The following HAPLN1 variants were observed in gnomAD, a reference collection of about 807,000 sequenced individuals.
HAPLN1 encodes Cartilage link protein.
HAPLN1 carries 13 observed loss-of-function variants against 36.5 expected under a neutral mutation model. The ratio of observed to expected loss-of-function variants is 0.36; its 90% confidence interval spans 0.23 to 0.57. HAPLN1 has a LOEUF of 0.57. Ranked by LOEUF, HAPLN1 falls within the 20% of genes least tolerant of loss-of-function variation. The pLI, the probability that HAPLN1 is intolerant of heterozygous loss-of-function variation, is 0.83. For synonymous variants in HAPLN1, 202 were observed against 169.8 expected (o/e 1.19, Z -1.48); for missense variants, 407 against 439.7 (o/e 0.93, Z 0.66).
chr5:83,682,692 G>A (rs933800302), intron 1 of HAPLN1, among the ~76,000 whole-genome samples: 24 of 152,118 alleles, frequency 1.6e-4, no homozygotes, highest in African/African-American at 5.8e-4. Flanking sequence ...CAAAAGGGCT[G>A]TGTCTACACA....
In HAPLN1 at chr5:83,707,671, C is replaced by G. The variant is rs116611578; in HGVS notation, c.-27+13118G>C. Among the ~76,000 whole-genome samples the G allele has an allele frequency of 0.028, 4,248 of 152,218 alleles. 281 individuals carry two copies. The East Asian group carries it at 0.3, about 11-fold the overall frequency. On this transcript the variant is annotated intron_variant, in intron 1 of 4. Transcript: ENST00000274341. The stretch of plus-strand genomic sequence containing the variant: ...GGCAATACCATCCTGGAAACAGGAA[C>G]AGGCAAAGATATCATGACAAAGACA...
rs182889743 is a variant in HAPLN1, at chr5:83,689,918, T to C, written c.-26-16369A>G. Among the ~76,000 whole-genome samples, 465 of 152,238 alleles carry C rather than the reference T, an allele frequency of 3.1e-3. 1 individual carries two copies. The highest frequency in any genetic ancestry group is 0.011 in the African/African-American group (448 of 41,562). On this transcript the variant is annotated intron_variant, in intron 1 of 4. Transcript: ENST00000274341. ...CTTCTGAAGGGTCAGAGATAGGAAA[T>C]TTTATATGAACAAACAAAATATCTC...
chr5:83,653,986 C>T (rs567665114), intron 2 of HAPLN1, among the ~76,000 whole-genome samples: 6 of 152,212 alleles, frequency 3.9e-5, no homozygotes, highest in Non-Finnish European at 8.8e-5. Flanking sequence ...CTCTGCAGAC[C>T]TCCTGCCTTG....
intron 2 of HAPLN1, among the ~76,000 whole-genome samples, chr5:83,666,761 T>G (rs999730511): frequency 2.0e-5 from 3 of 152,172 alleles, no homozygotes; most frequent in Non-Finnish European, 4.4e-5. Flanking sequence ...TTAACACTTA[T>G]TTTATTTTTT....
intron 1 of HAPLN1, among the ~76,000 whole-genome samples, chr5:83,712,191 G>T (rs1343225747): frequency 6.6e-6 from 1 of 152,058 alleles, no homozygotes; most frequent in East Asian, 1.9e-4. Context: ...GTCACAAGGT[G>T]GCAGCACAAG....
At chr5:83,702,066 T>C (rs541506628) in intron 1 of HAPLN1, among the ~76,000 whole-genome samples, 1 of 152,114 alleles carries the variant, frequency 6.6e-6, no homozygotes, top group Non-Finnish European at 1.5e-5. Flanking sequence ...GGAGGAAGTG[T>C]TACATGAATG....
intron 1 of HAPLN1, among the ~76,000 whole-genome samples, chr5:83,720,183 A>G (rs1751989960): frequency 6.6e-6 from 1 of 152,344 alleles, no homozygotes; most frequent in South Asian, 2.1e-4. Context: ...TCTTCAGTGC[A>G]TTCAAATTAT....
intron 1 of HAPLN1, among the ~76,000 whole-genome samples, chr5:83,702,768 C>A (rs533674253): frequency 4.0e-5 from 6 of 151,400 alleles, no homozygotes; most frequent in Non-Finnish European, 8.8e-5. Flanking sequence ...GAGACAGTCT[C>A]GCCCTGTTGC....
intron 1 of HAPLN1, among the ~76,000 whole-genome samples, 190 bp downstream of exon 1, chr5:83,720,599 A>C (rs1259258979): frequency 6.6e-6 from 1 of 152,240 alleles, no homozygotes; most frequent in African/African-American, 2.4e-5. Flanking sequence ...TTGTAGTGAA[A>C]TATTTTATCC....
rs192874426 is a variant in HAPLN1, at chr5:83,638,356, G to A, written c.*3140C>T. The A allele has an allele frequency of 2.0e-5, 3 of 151,982 alleles. No individual in the cohort carries two copies. Among genetic ancestry groups the A allele is most frequent in the African/African-American group, 7.2e-5 (3 of 41,506 alleles). The allele number at this position is 151,982 out of a possible 1,614,324, so 9.4% of individuals were successfully genotyped here. A position where few individuals can be genotyped will look rare whatever the true frequency, so the allele number is the denominator to read the frequency against. ...ATATTGGTTTTCTTTTAATCAGGTG[G>A]CTTAATAACTTTTGTATTTTTCATC... is the stretch of plus-strand genomic sequence containing the variant. On this transcript the variant is annotated 3_prime_UTR_variant, in exon 5 of 5. Coordinates refer to ENST00000274341, the MANE Select transcript of HAPLN1 (RefSeq NM_001884.4).
chr5:83,669,106 C>T (rs906108697), intron 2 of HAPLN1, among the ~76,000 whole-genome samples: 9 of 152,212 alleles, frequency 5.9e-5, no homozygotes, highest in East Asian at 1.9e-4. Context: ...TTTAAAGTAG[C>T]GGATCTGTGC....
chr5:83,685,593 A>C (rs1293829294), intron 1 of HAPLN1, among the ~76,000 whole-genome samples: 1 of 152,212 alleles, frequency 6.6e-6, no homozygotes, highest in Admixed American at 6.6e-5. Context: ...CAAAAGTGTA[A>C]ACTTCCTGAG....
chr5:83,704,632 TA>T (rs1247453246), intron 1 of HAPLN1, among the ~76,000 whole-genome samples: 1 of 152,078 alleles, frequency 6.6e-6, no homozygotes, highest in African/African-American at 2.4e-5. Flanking sequence ...GACTTTAAAC[TA>T]ACAAAGATCA....
At chr5:83,709,852 T>C (rs1242272457) in intron 1 of HAPLN1, among the ~76,000 whole-genome samples, 1 of 151,974 alleles carries the variant, frequency 6.6e-6, no homozygotes, top group African/African-American at 2.4e-5. Context: ...GACTGATGGG[T>C]GAGGTTTGCA....
intron 1 of HAPLN1, among the ~76,000 whole-genome samples, chr5:83,694,263 G>A (rs928418296): frequency 2.0e-5 from 3 of 151,838 alleles, no homozygotes; most frequent in Non-Finnish European, 4.4e-5. Context: ...TTAAAACATA[G>A]CATATCAAAA....
chr5:83,720,507 C>A (rs1751995069), intron 1 of HAPLN1, among the ~76,000 whole-genome samples: 1 of 152,134 alleles, frequency 6.6e-6, no homozygotes, highest in South Asian at 2.1e-4. Context: ...GAAACCATGA[C>A]CCTACCAGAT....
At chr5:83,701,237 T>C (rs1425979050) in intron 1 of HAPLN1, among the ~76,000 whole-genome samples, 1 of 152,182 alleles carries the variant, frequency 6.6e-6, no homozygotes, top group Non-Finnish European at 1.5e-5. Flanking sequence ...CATTTAGAAA[T>C]AGACGTCCCA....
At chr5:83,646,361 C>T (rs998836733) in intron 3 of HAPLN1, among the ~76,000 whole-genome samples, 15 of 152,186 alleles carry the variant, frequency 9.9e-5, no homozygotes, top group Admixed American at 6.5e-5. Context: ...AGCACATGTG[C>T]TATTTTATGA....
Position 83,675,334 on chromosome 5 carries a change from G to T in HAPLN1, c.-26-1785C>A, listed in dbSNP as rs185171650. The stretch of plus-strand genomic sequence containing the variant: ...GCTTGTTTACAGGAATCAGAGAAGG[G>T]GCGCTGTGGAGGAGAGAGTATAAAG... On this transcript the variant is annotated intron_variant, in intron 1 of 4. Coordinates refer to ENST00000274341, the MANE Select transcript of HAPLN1 (RefSeq NM_001884.4). The T allele has an allele frequency of 3.3e-5, 5 of 152,178 alleles. No homozygotes were observed. In the East Asian group the frequency reaches 9.7e-4, roughly 29 times the overall value. The allele number at this position is 152,178 out of a possible 1,614,324, so 9.4% of individuals were successfully genotyped here. A position where few individuals can be genotyped will look rare whatever the true frequency, so the allele number is the denominator to read the frequency against.
Sources: allele counts gnomAD v4.1 joint callset (sites outside exome capture counted in the v4.1 genomes callset), GRCh38; gene constraint gnomAD v4.1.1; transcripts MANE v1.5; gene names NCBI Gene and HGNC (gene_info 2026-07-23, HGNC 2026-07-21).